Variants in NEBL observed in about 807,000 individuals in gnomAD.
NEBL encodes the protein LIM and SH3 protein 2.
A neutral mutation model predicts 140.2 loss-of-function variants in NEBL; 122 were observed. The ratio of observed to expected loss-of-function variants is 0.87; its 90% confidence interval spans 0.75 to 1.01. The LOEUF (loss-of-function observed/expected upper bound fraction) is 1.01, where lower values mean the gene tolerates loss of function less well. Ranked by LOEUF, NEBL falls within the 50% of genes least tolerant of loss-of-function variation. The pLI is 0.00. For synonymous variants in NEBL, 436 were observed against 398.9 expected, an observed-to-expected ratio of 1.09 and a Z score of -1.11; for missense variants, 1,365 against 1,231.3, an observed-to-expected ratio of 1.11 and a Z score of -1.62.
chr10:20,952,682 A>AT (rs1321740123), intron 4 of NEBL, among the ~76,000 whole-genome samples: 1 of 151,900 alleles, frequency 6.6e-6, no homozygotes, highest in Non-Finnish European at 1.5e-5. Flanking sequence ...AGGTGGGCGG[A>AT]TCACTTGAGG....
intron 4 of NEBL, among the ~76,000 whole-genome samples, chr10:20,919,075 G>C (rs994579100): frequency 2.0e-5 from 3 of 152,032 alleles, no homozygotes; most frequent in Admixed American, 1.3e-4. Context: ...AATGCCTTAA[G>C]ATGCAATATG....
intron 14 of NEBL, among the ~76,000 whole-genome samples, chr10:20,832,480 A>G (rs959083733): frequency 6.6e-6 from 1 of 152,184 alleles, no homozygotes; most frequent in Non-Finnish European, 1.5e-5. Context: ...CAAGATAGTC[A>G]TAATTACATA....
intron 3 of NEBL, chr10:20,961,904 CAGTTA>C (rs1836069782): frequency 2.8e-6 from 2 of 710,246 alleles, no homozygotes; most frequent in Admixed American, 4.4e-5. Context: ...GCCGGAGGTG[CAGTTA>C]AGAACCAGAA....
intron 3 of NEBL, among the ~76,000 whole-genome samples, chr10:21,199,245 C>T (rs1418141555): frequency 6.6e-6 from 1 of 151,892 alleles, no homozygotes; most frequent in Admixed American, 6.6e-5. Context: ...GTTGCTAAGG[C>T]TGGTCTCAAA....
chr10:21,288,401 G>A (rs921149857), intron 1 of NEBL, among the ~76,000 whole-genome samples: 2 of 152,052 alleles, frequency 1.3e-5, no homozygotes, highest in African/African-American at 4.8e-5. Flanking sequence ...CCAGGAGTCA[G>A]AGTTTGCAGT....
chr10:21,028,235 C>CAAAAAAAAAAAAAAAAAGAAAAA, intron 2 of NEBL, among the ~76,000 whole-genome samples: 1 of 66,216 alleles, frequency 1.5e-5, no homozygotes, highest in Non-Finnish European at 2.5e-5. Flanking sequence ...TCAAACATCT[C>CAAAAAAAAAAAAAAAAAGAAAAA]AAAAAAAAAA....
chr10:20,799,067 TA>T (rs1208290585), intron 26 of NEBL, among the ~76,000 whole-genome samples: 1 of 152,220 alleles, frequency 6.6e-6, no homozygotes, highest in Non-Finnish European at 1.5e-5. Flanking sequence ...GACTAGATGG[TA>T]AAATATAATC....
intron 10 of NEBL, 27 bp from the exon 11 acceptor site, chr10:20,850,529 C>A: frequency 6.9e-7 from 1 of 1,454,872 alleles, no homozygotes; most frequent in Non-Finnish European, 9.6e-7. Flanking sequence ...AAAGCATATA[C>A]AAATCGAAAG....
intron 2 of NEBL, among the ~76,000 whole-genome samples, chr10:21,096,134 T>C (rs1837174956): frequency 6.6e-6 from 1 of 152,196 alleles, no homozygotes; most frequent in African/African-American, 2.4e-5. Context: ...AATAATCCTG[T>C]TGTTAATATT....
chr10:21,031,948 T>A (rs1833817976), intron 2 of NEBL, among the ~76,000 whole-genome samples: 1 of 152,142 alleles, frequency 6.6e-6, no homozygotes, highest in African/African-American at 2.4e-5. Context: ...TTATATGAGA[T>A]AACAAGAAAA....
chr10:20,985,239 C>T (rs149887562), intron 3 of NEBL, among the ~76,000 whole-genome samples: 98 of 152,164 alleles, frequency 6.4e-4, no homozygotes, highest in African/African-American at 2.2e-3. Context: ...GGTTGGTGAC[C>T]GCTATGGTGA....
At chr10:21,134,063 T>TA (rs765928535) in intron 2 of NEBL, among the ~76,000 whole-genome samples, 1 of 151,960 alleles carries the variant, frequency 6.6e-6, no homozygotes, top group African/African-American at 2.4e-5. Flanking sequence ...TGGTCTCTAC[T>TA]AAAAATATAA....
At chr10:21,159,986 T>C (rs1840489106) in intron 2 of NEBL, among the ~76,000 whole-genome samples, 1 of 152,178 alleles carries the variant, frequency 6.6e-6, no homozygotes, top group Non-Finnish European at 1.5e-5. Context: ...TTACCACCTG[T>C]TTTCTCCTGC....
chr10:20,897,995 AATC>A (rs45482791), upstream of NEBL, among the ~76,000 whole-genome samples: 4,555 of 152,256 alleles, frequency 0.03, 100 homozygotes, highest in Middle Eastern at 0.054. Flanking sequence ...TCGTTTCAAA[AATC>A]ATCATCATCA....
intron 2 of NEBL, among the ~76,000 whole-genome samples, chr10:21,089,749 T>C (rs7079923): frequency 0.52 from 79,054 of 151,942 alleles, 24,596 homozygotes; most frequent in African/African-American, 0.87. Context: ...TTCTCCCTTT[T>C]CTCCCTCCTT....
intron 14 of NEBL, 67 bp downstream of exon 14, chr10:20,835,446 G>T: frequency 8.8e-7 from 1 of 1,139,574 alleles, no homozygotes; most frequent in South Asian, 1.2e-5. Flanking sequence ...TAGTAATCAA[G>T]TTGCTAATAC....
At chr10:20,823,102 G>A (rs1000882325) in intron 19 of NEBL, 106 bp downstream of exon 19, 14 of 802,910 alleles carry the variant, frequency 1.7e-5, no homozygotes, top group East Asian at 8.3e-5. Context: ...CGATCCTCTC[G>A]CAATGAGGTT....
chr10:21,149,140 G>T (rs921344490), intron 2 of NEBL, among the ~76,000 whole-genome samples: 1 of 152,150 alleles, frequency 6.6e-6, no homozygotes, highest in Non-Finnish European at 1.5e-5. Flanking sequence ...ACACCTATCC[G>T]GTGAAGCGTC....
intron 18 of NEBL, among the ~76,000 whole-genome samples, chr10:20,824,075 C>A (rs1280239872): frequency 2.0e-5 from 3 of 152,108 alleles, no homozygotes; most frequent in Non-Finnish European, 4.4e-5. Flanking sequence ...AGAAAGAGTT[C>A]TTTGAACTCA....
Sources: gnomAD v4.1 joint callset for allele counts (sites outside exome capture counted in the v4.1 genomes callset) on GRCh38, gnomAD v4.1.1 for gene constraint, MANE v1.5 for transcripts, NCBI Gene and HGNC (gene_info 2026-07-23, HGNC 2026-07-21) for gene names.